Variants in FERMT2 observed in about 807,000 individuals in gnomAD.
FERMT2 encodes the protein fermitin family homolog 2.
Under a neutral mutation model 82.7 loss-of-function variants are expected in FERMT2, and 15 were observed. The observed-to-expected ratio is 0.18, with a 90% CI of 0.12 to 0.28. The LOEUF (loss-of-function observed/expected upper bound fraction) is 0.28. Ranked by LOEUF, FERMT2 falls within the 10% of genes least tolerant of loss-of-function variation. The pLI is 1.00. For missense variants in FERMT2, 645 were observed against 809.4 expected (o/e 0.80, Z 2.46); for synonymous variants, 274 against 271.5 (o/e 1.01, Z -0.09).
chr14:52,895,496 C>T (rs1214082390), intron 3 of FERMT2, among the ~76,000 whole-genome samples: 1 of 152,074 alleles, frequency 6.6e-6, no homozygotes, highest in Non-Finnish European at 1.5e-5. Context: ...CACAACTCAC[C>T]AATCAGTAAA....
At chr14:52,894,103 C>T (rs544065557) in intron 3 of FERMT2, among the ~76,000 whole-genome samples, 70 of 152,192 alleles carry the variant, frequency 4.6e-4, no homozygotes, top group Non-Finnish European at 7.8e-4. Context: ...CTGGGATTAC[C>T]GGCGTGAGCC....
intron 4 of FERMT2, among the ~76,000 whole-genome samples, chr14:52,888,184 A>G (rs1226503501): frequency 6.6e-6 from 1 of 152,170 alleles, no homozygotes; most frequent in Non-Finnish European, 1.5e-5. Flanking sequence ...AGAGGAAAAA[A>G]ACAAACCATA....
intron 3 of FERMT2, among the ~76,000 whole-genome samples, chr14:52,918,317 C>T (rs1205742452): frequency 6.6e-6 from 1 of 151,994 alleles, no homozygotes; most frequent in African/African-American, 2.4e-5. Flanking sequence ...CAAATAAATG[C>T]ATAGAAAATC....
intron 2 of FERMT2, among the ~76,000 whole-genome samples, chr14:52,927,592 T>TTAAAAAAAAAAA (rs1889350559): frequency 3.0e-5 from 1 of 33,714 alleles, no homozygotes; most frequent in African/African-American, 1.3e-4. Flanking sequence ...CTCATCCCTA[T>TTAAAAAAAAAAA]AAAAAAAAAA....
intron 2 of FERMT2, chr14:52,928,040 C>T: frequency 2.6e-6 from 1 of 377,482 alleles, no homozygotes; most frequent in South Asian, 1.9e-5. Flanking sequence ...CTTAAGTAAC[C>T]ACATCTTAAA....
chr14:52,860,552 C>A (rs1182529217), intron 12 of FERMT2, 87 bp from the exon 13 acceptor site: 1 of 1,131,998 alleles, frequency 8.8e-7, no homozygotes, highest in Non-Finnish European at 1.3e-6. Context: ...TTGAATTACG[C>A]ACCCCGTACC....
At chr14:52,907,885 TGCTCTTAGAAAACACTGTTAATGAAATG>T (rs1191959513) in intron 3 of FERMT2, among the ~76,000 whole-genome samples, 2 of 152,168 alleles carry the variant, frequency 1.3e-5, no homozygotes, top group Non-Finnish European at 2.9e-5. Context: ...TGAAAACTTT[TGCTCTTAGAAAACACTGTTAATGAAATG>T]GTAAGCCACA....
At chr14:52,896,543 G>A (rs1191553741) in intron 3 of FERMT2, among the ~76,000 whole-genome samples, 3 of 152,178 alleles carry the variant, frequency 2.0e-5, no homozygotes, top group Non-Finnish European at 4.4e-5. Context: ...TTAGCTGTGT[G>A]ACTCTGGACA....
At chr14:52,881,544 G>A in intron 4 of FERMT2, 75 bp from the exon 5 acceptor site, 1 of 1,103,252 alleles carries the variant, frequency 9.1e-7, no homozygotes, top group South Asian at 1.5e-5. Context: ...CACATATTAT[G>A]ATATAAAGCA....
chr14:52,860,930 A>C, intron 12 of FERMT2: 1 of 937,368 alleles, frequency 1.1e-6, no homozygotes, highest in Non-Finnish European at 1.6e-6. Context: ...AAATTTCACT[A>C]CTGGGGTAAA....
chr14:52,884,099 C>T (rs1042313884), intron 4 of FERMT2, among the ~76,000 whole-genome samples: 2 of 152,184 alleles, frequency 1.3e-5, no homozygotes, highest in South Asian at 2.1e-4. Flanking sequence ...CCCAAATCTG[C>T]GTTTCAACTT....
chr14:52,939,388 A>AC (rs1889994533), intron 2 of FERMT2, among the ~76,000 whole-genome samples: 1 of 151,352 alleles, frequency 6.6e-6, no homozygotes, highest in South Asian at 2.1e-4. Flanking sequence ...AAAAAAAAAA[A>AC]AACAAAGAAC....
chr14:52,893,201 G>T, intron 4 of FERMT2, 92 bp downstream of exon 4: 1 of 1,213,214 alleles, frequency 8.2e-7, no homozygotes, highest in South Asian at 1.9e-5. Flanking sequence ...CACTCTTCCT[G>T]ACCTACATGA....
At chr14:52,936,456 T>A (rs1889841377) in intron 2 of FERMT2, among the ~76,000 whole-genome samples, 1 of 152,208 alleles carries the variant, frequency 6.6e-6, no homozygotes, top group South Asian at 2.1e-4. Context: ...TTTATGGGCA[T>A]CTCACAGCTC....
chr14:52,861,575 C>T (rs1435820012), intron 12 of FERMT2: 1 of 152,634 alleles, frequency 6.6e-6, no homozygotes, highest in Non-Finnish European at 1.5e-5. Context: ...GAAAAGCAAA[C>T]CCCTCAGTTA....
chr14:52,927,608 A>AT (rs1889355363), intron 2 of FERMT2, among the ~76,000 whole-genome samples: 1 of 149,214 alleles, frequency 6.7e-6, no homozygotes, highest in Non-Finnish European at 1.5e-5. Flanking sequence ...AAAAAAAAAA[A>AT]AAAAAAAAAA....
intron 4 of FERMT2, among the ~76,000 whole-genome samples, chr14:52,888,511 A>G (rs1044236640): frequency 1.3e-5 from 2 of 152,236 alleles, no homozygotes; most frequent in Admixed American, 6.5e-5. Flanking sequence ...AAATTATCCA[A>G]TGCTTCCAAT....
At chr14:52,949,877 G>A (rs1334193027) in intron 2 of FERMT2, among the ~76,000 whole-genome samples, 3 of 152,134 alleles carry the variant, frequency 2.0e-5, no homozygotes, top group African/African-American at 4.8e-5. Flanking sequence ...CCCCTAGTAA[G>A]AGTGGATGAC....
chr14:52,918,245 C>G (rs1286902421), intron 3 of FERMT2, among the ~76,000 whole-genome samples: 1 of 151,888 alleles, frequency 6.6e-6, no homozygotes, highest in African/African-American at 2.4e-5. Context: ...TAAGACATTA[C>G]TAAGTTTAAA....
Sources: allele counts gnomAD v4.1 joint callset (sites outside exome capture counted in the v4.1 genomes callset), GRCh38; gene constraint gnomAD v4.1.1; transcripts MANE v1.5; gene names NCBI Gene and HGNC (gene_info 2026-07-23, HGNC 2026-07-21).